FAT3: variants seen among roughly 807,000 people sequenced by gnomAD.
The protein encoded by FAT3 is protocadherin Fat 3.
Under a neutral mutation model 310.2 loss-of-function variants are expected in FAT3, and 95 were observed. The observed-to-expected ratio is 0.31, with a 90% confidence interval of 0.26 to 0.36. The LOEUF (loss-of-function observed/expected upper bound fraction) is 0.36, where lower values mean the gene tolerates loss of function less well. FAT3 is among the 10% of genes least tolerant of loss of function. The pLI is 1.00. For synonymous variants in FAT3, 2,314 were observed against 2,192.9 expected (o/e 1.06, Z -1.54); for missense variants, 5,408 against 5,715.6 (o/e 0.95, Z 1.74).
rs1947278736 is a variant in FAT3, at chr11:92,799,685, T to C, written c.6672T>C (p.Asp2224=). The C allele has an allele frequency of 6.2e-7, 1 of 1,613,504 alleles. No homozygotes were observed. The highest frequency in any genetic ancestry group is 8.5e-7 in the Non-Finnish European group (1 of 1,179,702). ...AAGGCATCATATATATCATTATCGA[T>C]GGGGACCCTTTTAAACAGTTTAACA... ...EGQGIIYIII[D]GDPFKQFNID... is the part of the protein sequence containing the mutation. Residue 2224 remains aspartate (D), a synonymous_variant, in exon 10 of 28, where the codon GAT becomes GAC. Coordinates refer to ENST00000525166, the MANE Select transcript of FAT3 (RefSeq NM_001367949.2).
chr11:92,659,994 G>A (rs756559116), intron 3 of FAT3, among the ~76,000 whole-genome samples: 7 of 152,160 alleles, frequency 4.6e-5, no homozygotes, highest in Non-Finnish European at 7.3e-5. Context: ...TTAGCCAAAT[G>A]TTGAGAATAT....
At chr11:92,261,382 A>G (rs1209499366) in intron 1 of FAT3, among the ~76,000 whole-genome samples, 1 of 152,048 alleles carries the variant, frequency 6.6e-6, no homozygotes, top group Non-Finnish European at 1.5e-5. Context: ...TTGTTTGTAG[A>G]CTGAATGAAT....
chr11:92,515,545 G>C (rs1375191889), intron 2 of FAT3, among the ~76,000 whole-genome samples: 2 of 152,022 alleles, frequency 1.3e-5, no homozygotes, highest in Non-Finnish European at 2.9e-5. Flanking sequence ...TGATTAAATA[G>C]ACAATATGGT....
At chr11:92,411,085 T>C (rs1950250232) in intron 2 of FAT3, among the ~76,000 whole-genome samples, 2 of 126,594 alleles carry the variant, frequency 1.6e-5, no homozygotes, top group South Asian at 4.7e-4. Flanking sequence ...ATGAGAACTA[T>C]ATAGATTATA....
At chr11:92,549,034 C>A (rs1220025751) in intron 3 of FAT3, among the ~76,000 whole-genome samples, 1 of 152,152 alleles carries the variant, frequency 6.6e-6, no homozygotes, top group African/African-American at 2.4e-5. Flanking sequence ...CTGCCAAGAT[C>A]TTAATGTTAA....
intron 3 of FAT3, among the ~76,000 whole-genome samples, chr11:92,647,198 A>G (rs1942199710): frequency 6.6e-6 from 1 of 152,122 alleles, no homozygotes; most frequent in Admixed American, 6.5e-5. Flanking sequence ...GGTTTGCTTT[A>G]ATCTCTCTCA....
At chr11:92,262,699 T>C (rs1375293605) in intron 1 of FAT3, among the ~76,000 whole-genome samples, 1 of 152,130 alleles carries the variant, frequency 6.6e-6, no homozygotes, top group Non-Finnish European at 1.5e-5. Flanking sequence ...GATATTTTAG[T>C]ACATATCTCT....
At chr11:92,361,322 GA>G (rs1349694121) in intron 2 of FAT3, among the ~76,000 whole-genome samples, 1 of 152,138 alleles carries the variant, frequency 6.6e-6, no homozygotes, top group Non-Finnish European at 1.5e-5. Context: ...CTGTGGAGCA[GA>G]AAAGAATATT....
At chr11:92,837,880 G>A in intron 17 of FAT3, 74 bp downstream of exon 17, 3 of 1,569,062 alleles carry the variant, frequency 1.9e-6, no homozygotes, top group Non-Finnish European at 2.6e-6. Flanking sequence ...TTTACTCATT[G>A]TGGTTTATTG....
chr11:92,856,248 C>T (rs765187672), intron 19 of FAT3, among the ~76,000 whole-genome samples: 28 of 152,284 alleles, frequency 1.8e-4, no homozygotes, highest in Non-Finnish European at 3.1e-4. Flanking sequence ...TACACATTCT[C>T]AGTTCACGGG....
chr11:92,263,825 T>G (rs1053531502), intron 1 of FAT3, among the ~76,000 whole-genome samples: 1 of 152,104 alleles, frequency 6.6e-6, no homozygotes, highest in Non-Finnish European at 1.5e-5. Flanking sequence ...TGATGTCTTT[T>G]GTTAGCCATA....
At chr11:92,379,583 A>G (rs796425072) in intron 2 of FAT3, among the ~76,000 whole-genome samples, 8 of 152,318 alleles carry the variant, frequency 5.3e-5, no homozygotes, top group African/African-American at 1.9e-4. Context: ...TAAACCTTGG[A>G]CTGGGACAAT....
intron 1 of FAT3, among the ~76,000 whole-genome samples, chr11:92,296,909 A>G (rs907666055): frequency 6.6e-6 from 1 of 152,120 alleles, no homozygotes; most frequent in Non-Finnish European, 1.5e-5. Flanking sequence ...TAAACAACAT[A>G]GTGATCCAGA....
intron 23 of FAT3, 98 bp from the exon 24 acceptor site, chr11:92,882,640 C>A: frequency 1.1e-6 from 1 of 929,610 alleles, no homozygotes; most frequent in Non-Finnish European, 1.5e-6. Context: ...TTAGGTGCAT[C>A]GTTTTCTTTT....
chr11:92,847,918 AACAC>A (rs112590185), intron 19 of FAT3, among the ~76,000 whole-genome samples: 72 of 148,914 alleles, frequency 4.8e-4, no homozygotes, highest in African/African-American at 1.4e-3. Context: ...CCTCCCCCCA[AACAC>A]ACACACACAC....
At chr11:92,532,179 ATAT>A (rs1254099388) in intron 3 of FAT3, among the ~76,000 whole-genome samples, 2 of 152,164 alleles carry the variant, frequency 1.3e-5, no homozygotes, top group Non-Finnish European at 1.5e-5. Flanking sequence ...GTACACATAA[ATAT>A]TATTAATAAT....
At chr11:92,671,038 G>T (rs1231838588) in intron 3 of FAT3, among the ~76,000 whole-genome samples, 2 of 151,492 alleles carry the variant, frequency 1.3e-5, no homozygotes, top group African/African-American at 4.9e-5. Flanking sequence ...CACGGTTTTT[G>T]TTTTTTGTTT....
At chr11:92,528,916 G>A (rs1042203038) in intron 3 of FAT3, among the ~76,000 whole-genome samples, 1 of 152,188 alleles carries the variant, frequency 6.6e-6, no homozygotes, top group South Asian at 2.1e-4. Flanking sequence ...AAAAAAGTCT[G>A]TGTAAGCTAC....
chr11:92,234,163 CTTTA>C (rs897342951), intron 1 of FAT3, among the ~76,000 whole-genome samples: 6 of 152,164 alleles, frequency 3.9e-5, no homozygotes, highest in African/African-American at 1.4e-4. Flanking sequence ...AAAATACACT[CTTTA>C]TTTAAACAGA....
Sources: gnomAD v4.1 joint callset for allele counts (sites outside exome capture counted in the v4.1 genomes callset) on GRCh38, gnomAD v4.1.1 for gene constraint, MANE v1.5 for transcripts, NCBI Gene and HGNC (gene_info 2026-07-23, HGNC 2026-07-21) for gene names.